The following MRPL50 variants were observed in gnomAD, a reference collection of about 807,000 sequenced individuals.
The protein encoded by MRPL50 is large ribosomal subunit protein mL50.
In MRPL50, 10 loss-of-function variants were observed where a neutral mutation model predicts 16.2. The observed-to-expected ratio is 0.62, with a 90% CI of 0.38 to 1.05. The LOEUF (loss-of-function observed/expected upper bound fraction) is 1.05. Ranked by LOEUF, MRPL50 falls within the 50% of genes least tolerant of loss-of-function variation. The probability of loss-of-function intolerance (pLI) is 0.01; values close to 1 mark genes in which losing one functional copy is unlikely to be tolerated. For synonymous variants in MRPL50, 68 were observed against 66.8 expected (o/e 1.02, Z -0.09); for missense variants, 213 against 187.1 (o/e 1.14, Z -0.81).
chr9:101,398,383 C>T (rs1830397299), intron 1 of MRPL50, 118 bp downstream of exon 1: 1 of 942,022 alleles, frequency 1.1e-6, no homozygotes, highest in African/African-American at 1.6e-5. Flanking sequence ...ACCGGACCTC[C>T]TTGTCCTTGC....
chr9:101,393,162 T>C (rs1404338301), intron 1 of MRPL50, among the ~76,000 whole-genome samples: 3 of 152,144 alleles, frequency 2.0e-5, no homozygotes, highest in Non-Finnish European at 4.4e-5. Flanking sequence ...CATCCTTTCA[T>C]GATAAAAACT....
chr9:101,392,750 A>C (rs546378527), intron 1 of MRPL50, among the ~76,000 whole-genome samples: 2 of 152,218 alleles, frequency 1.3e-5, no homozygotes, highest in East Asian at 1.9e-4. Context: ...AGCTATTCCA[A>C]AACACTGAAG....
chr9:101,395,324 A>T (rs1169174458), intron 1 of MRPL50, among the ~76,000 whole-genome samples: 1 of 152,216 alleles, frequency 6.6e-6, no homozygotes, highest in East Asian at 1.9e-4. Context: ...GTGGGAATGT[A>T]AATTAGTACA....
chr9:101,394,026 T>A (rs1401437105), intron 1 of MRPL50, among the ~76,000 whole-genome samples: 1 of 145,882 alleles, frequency 6.9e-6, no homozygotes, highest in Non-Finnish European at 1.5e-5. Flanking sequence ...CACACCTAAC[T>A]GACCCCACCT....
In MRPL50 at chr9:101,390,665, T is replaced by A. The variant is rs1830259338; in HGVS notation, c.278A>T (p.Asp93Val). The change falls in exon 2 of 2, where the codon GAT becomes GTT. Residue 93 changes from aspartate (D) to valine (V), a missense_variant. Physicochemically the swap from Asp to Val is radical, Grantham distance 152. Transcript: ENST00000374865. ...PSNWQDISLE[D>V]SRLKFNLLAH... The stretch of plus-strand genomic sequence containing the variant: ...CAGAAGATTGAACTTTAGACGACTA[T>A]CTTCCAGGGAGATGTCTTGCCAATT... 1.2e-6 allele frequency: 2 copies of A among 1,613,398 alleles called. No individual in the cohort carries two copies. Among genetic ancestry groups the A allele is most frequent in the African/African-American group, 1.3e-5 (1 of 74,894 alleles).
chr9:101,397,935 C>T (rs935848954), intron 1 of MRPL50, among the ~76,000 whole-genome samples: 1 of 152,198 alleles, frequency 6.6e-6, no homozygotes, highest in African/African-American at 2.4e-5. Flanking sequence ...AATTAACTTG[C>T]TTTGTGACTT....
intron 1 of MRPL50, among the ~76,000 whole-genome samples, chr9:101,395,739 T>C (rs1213798367): frequency 6.7e-6 from 1 of 148,934 alleles, no homozygotes; most frequent in Non-Finnish European, 1.5e-5. Flanking sequence ...GAGGTAGTAA[T>C]AAATTGATGG....
Position 101,390,627 on chromosome 9 carries a change from C to A in MRPL50, c.316G>T (p.Asp106Tyr), listed in dbSNP as rs1326177347. The A allele has an allele frequency of 1.2e-6, 2 of 1,613,430 alleles. No homozygotes were observed. The highest frequency in any genetic ancestry group is 4.5e-5 in the East Asian group (2 of 44,876). ...TTAGGGACTACATGACCCAAGTCAT[C>A]AGCTAAATGAGCCAGAAGATTGAAC... ...LKFNLLAHLA[D>Y]DLGHVVPNSR... Residue 106 changes from aspartate to tyrosine, a missense_variant, in exon 2 of 2, where the codon GAT (aspartate) becomes TAT (tyrosine). Coordinates refer to ENST00000374865, the MANE Select transcript of MRPL50 (RefSeq NM_019051.3).
At chr9:101,393,874 A>G (rs1401178679) in intron 1 of MRPL50, among the ~76,000 whole-genome samples, 1 of 151,768 alleles carries the variant, frequency 6.6e-6, no homozygotes, top group Non-Finnish European at 1.5e-5. Flanking sequence ...AAAGCGATAT[A>G]CTGTCAATGT....
chr9:101,393,509 A>G (rs981157828), intron 1 of MRPL50, among the ~76,000 whole-genome samples: 2 of 151,856 alleles, frequency 1.3e-5, no homozygotes, highest in Admixed American at 1.3e-4. Flanking sequence ...ATGATCTTAT[A>G]TATCTTGTTG....
In MRPL50 at chr9:101,389,393, T is replaced by C; in HGVS notation, c.*1073A>G. 8.9e-7 allele frequency: 1 copy of C among 1,124,898 alleles called. No homozygotes were observed. The highest frequency in any genetic ancestry group is 1.3e-5 in the South Asian group (1 of 74,992). 69.7% of individuals were successfully genotyped at this position (1,124,898 alleles called of 1,614,324 possible). A position where few individuals can be genotyped will look rare whatever the true frequency, so the allele number is the denominator to read the frequency against. ...TGAATGAAGTGCCTGTGGATGATAT[T>C]TGTAGGGCATGTCTATACTGTTAAC... On this transcript the variant is annotated 3_prime_UTR_variant, in exon 2 of 2. Coordinates refer to ENST00000374865, the MANE Select transcript of MRPL50 (RefSeq NM_019051.3).
chr9:101,390,188 G>C lies in MRPL50; in HGVS notation c.*278C>G. The C allele has an allele frequency of 8.7e-7, 1 of 1,149,868 alleles. No homozygotes were observed. The highest frequency in any genetic ancestry group is 1.1e-6 in the Non-Finnish European group (1 of 933,826). 71.2% of individuals were successfully genotyped at this position (1,149,868 alleles called of 1,614,324 possible). ...AGGTGTGAACTTGCAATGTCCTCCT[G>C]TCTTAAACCCAAGTTGACAGTGCCC... On this transcript the variant is annotated 3_prime_UTR_variant, in exon 2 of 2. Transcript: ENST00000374865.
rs1273162194 is a variant in MRPL50 at position 101,388,050 on chromosome 9, A to C, written c.*2416T>G. The C allele has an allele frequency of 6.6e-6, 1 of 152,010 alleles. No homozygotes were observed. The highest frequency in any genetic ancestry group is 1.5e-5 in the Non-Finnish European group (1 of 67,976). The allele number at this position is 152,010 out of a possible 1,614,324, so 9.4% of individuals were successfully genotyped here. A position where few individuals can be genotyped will look rare whatever the true frequency, so the allele number is the denominator to read the frequency against. ...CTAAATTTACCAAGACTGTTGTTTC[A>C]GGTGGCAGTACTTGTCTCCCACCTC... On this transcript the variant is annotated 3_prime_UTR_variant, in exon 2 of 2. Coordinates refer to ENST00000374865, the MANE Select transcript of MRPL50 (RefSeq NM_019051.3).
At chr9:101,393,238 CA>C (rs1426777752) in intron 1 of MRPL50, among the ~76,000 whole-genome samples, 1 of 151,748 alleles carries the variant, frequency 6.6e-6, no homozygotes, top group East Asian at 1.9e-4. Flanking sequence ...ACAAACCCAC[CA>C]AACAAGGACA....
Position 101,389,266 on chromosome 9 carries a change from G to A in MRPL50, c.*1200C>T, listed in dbSNP as rs1205497081. On this transcript the variant is annotated 3_prime_UTR_variant, in exon 2 of 2. Transcript: ENST00000374865. ...TTTTATAAAAGGGGCTTGGGCATCT[G>A]TGGACTTTGGTATCCAAGTAGGTGT... 2 of 258,914 alleles carry A rather than the reference G, an allele frequency of 7.7e-6. No individual in the cohort carries two copies. The highest frequency in any genetic ancestry group is 7.7e-6 in the Non-Finnish European group (1 of 129,816). 16.0% of individuals were successfully genotyped at this position (258,914 alleles called of 1,614,324 possible). A position where few individuals can be genotyped will look rare whatever the true frequency, so the allele number is the denominator to read the frequency against.
intron 1 of MRPL50, among the ~76,000 whole-genome samples, chr9:101,392,154 T>C (rs777149145): frequency 6.6e-6 from 1 of 152,064 alleles, no homozygotes. Flanking sequence ...ACCTATGCGA[T>C]ACAGCAGAAG....
rs969693598 is a variant in MRPL50, at chr9:101,389,395, G to T, written c.*1071C>A. ...AATGAAGTGCCTGTGGATGATATTTGTAGGGCATGTCTATACTGTTAACTA... is the reference window on the plus strand; with the variant it reads ...AATGAAGTGCCTGTGGATGATATTTTTAGGGCATGTCTATACTGTTAACTA... On this transcript the variant is annotated 3_prime_UTR_variant, in exon 2 of 2. Transcript: ENST00000374865. The T allele has an allele frequency of 8.9e-6, 10 of 1,125,800 alleles. 1 individual carries two copies. In the Admixed American group the frequency reaches 2.2e-4, roughly 25 times the overall value. The allele number at this position is 1,125,800 out of a possible 1,614,324, so 69.7% of individuals were successfully genotyped here.
intron 1 of MRPL50, among the ~76,000 whole-genome samples, chr9:101,396,302 C>T (rs941788001): frequency 5.3e-5 from 8 of 152,094 alleles, no homozygotes; most frequent in Non-Finnish European, 8.8e-5. Flanking sequence ...TCTTACTACT[C>T]GGTATATATC....
rs546251873 is a variant in MRPL50, at chr9:101,398,386, G to C, written c.92+115C>G. On this transcript the variant is annotated intron_variant, in intron 1 of 1. Transcript: ENST00000374865. ...CTCGGGACCCTAACCGGACCTCCTTGTCCTTGCTCTGATCAGGCGCGGGAC... is the reference window on the plus strand; with the variant it reads ...CTCGGGACCCTAACCGGACCTCCTTCTCCTTGCTCTGATCAGGCGCGGGAC... 5.8e-5 allele frequency: 56 copies of C among 969,268 alleles called. No individual in the cohort carries two copies. The African/African-American group carries it at 8.5e-4, about 15-fold the overall frequency. The allele number at this position is 969,268 out of a possible 1,614,324, so 60.0% of individuals were successfully genotyped here.
Sources: allele counts gnomAD v4.1 joint callset (sites outside exome capture counted in the v4.1 genomes callset), GRCh38; gene constraint gnomAD v4.1.1; transcripts MANE v1.5; gene names NCBI Gene and HGNC (gene_info 2026-07-23, HGNC 2026-07-21).